The following CDH10 variants were observed in gnomAD, a reference collection of about 807,000 sequenced individuals.
CDH10 encodes cadherin 10, also known as cadherin-10.
Under a neutral mutation model 73.1 loss-of-function variants are expected in CDH10, and 30 were observed. The ratio of observed to expected loss-of-function variants is 0.41; its 90% CI spans 0.31 to 0.56. The LOEUF (loss-of-function observed/expected upper bound fraction) is 0.56, where lower values mean the gene tolerates loss of function less well. CDH10 is among the 20% of genes least tolerant of loss of function. CDH10 has a pLI of 0.27. For synonymous variants in CDH10, 345 were observed against 348.2 expected, an observed-to-expected ratio of 0.99 and a Z score of 0.10; for missense variants, 815 against 973.7, an observed-to-expected ratio of 0.84 and a Z score of 2.17.
chr5:24,638,960 C>T (rs1014106740), intron 1 of CDH10, among the ~76,000 whole-genome samples: 9 of 151,384 alleles, frequency 5.9e-5, no homozygotes, highest in East Asian at 1.9e-4. Flanking sequence ...TAGATTTAAA[C>T]CACTTGAGTT....
chr5:24,619,551 C>T (rs1175960286), intron 1 of CDH10, among the ~76,000 whole-genome samples: 1 of 152,028 alleles, frequency 6.6e-6, no homozygotes, highest in Non-Finnish European at 1.5e-5. Flanking sequence ...GATGCTGGAA[C>T]GAGTTAAGAT....
rs13359793 is a variant in CDH10, at chr5:24,560,890, T to C, written c.232-23216A>G. On this transcript the variant is annotated intron_variant, in intron 2 of 11. Coordinates refer to ENST00000264463, the MANE Select transcript of CDH10 (RefSeq NM_006727.5). ...TTTACTAATATGCCTTTTTTTACTATAGTGAAATAATCCAAATTTCCTGAT... is the reference window on the plus strand; with the variant it reads ...TTTACTAATATGCCTTTTTTTACTACAGTGAAATAATCCAAATTTCCTGAT... 9.1e-3 allele frequency among the ~76,000 whole-genome samples: 1,380 copies of C among 152,254 alleles called. 27 individuals are homozygous for C. Among genetic ancestry groups the C allele is most frequent in the African/African-American group, 0.031 (1,268 of 41,572 alleles).
intron 1 of CDH10, among the ~76,000 whole-genome samples, chr5:24,620,478 T>C (rs1164244687): frequency 2.6e-5 from 4 of 152,154 alleles, no homozygotes; most frequent in African/African-American, 2.4e-5. Flanking sequence ...TAAAATGTGA[T>C]TGCATCCTTT....
chr5:24,626,179 A>G (rs1017053071), intron 1 of CDH10, among the ~76,000 whole-genome samples: 1 of 152,164 alleles, frequency 6.6e-6, no homozygotes, highest in Admixed American at 6.6e-5. Flanking sequence ...TTGGTTCCCA[A>G]AACAATGTGG....
intron 5 of CDH10, 58 bp downstream of exon 5, chr5:24,535,054 C>T (rs2111875120): frequency 3.6e-6 from 5 of 1,383,182 alleles, no homozygotes; most frequent in Non-Finnish European, 4.9e-6. Flanking sequence ...CTTTCTTTGT[C>T]TGTCTTTTTT....
chr5:24,618,493 C>G (rs911021949), intron 1 of CDH10, among the ~76,000 whole-genome samples: 3 of 152,124 alleles, frequency 2.0e-5, no homozygotes, highest in Non-Finnish European at 4.4e-5. Context: ...AAGCATGAAG[C>G]CTTTTTCTTT....
intron 1 of CDH10, among the ~76,000 whole-genome samples, chr5:24,623,537 T>C (rs1255545147): frequency 2.0e-5 from 3 of 152,080 alleles, no homozygotes; most frequent in African/African-American, 7.2e-5. Flanking sequence ...CTCAAACATA[T>C]GTAATTGGAA....
chr5:24,638,483 T>C (rs900125354), intron 1 of CDH10, among the ~76,000 whole-genome samples: 1 of 151,800 alleles, frequency 6.6e-6, no homozygotes, highest in African/African-American at 2.4e-5. Flanking sequence ...TCTAAGTATA[T>C]GTCTGTGCTT....
At chr5:24,569,311 G>A (rs1745280451) in intron 2 of CDH10, among the ~76,000 whole-genome samples, 1 of 152,106 alleles carries the variant, frequency 6.6e-6, no homozygotes, top group Non-Finnish European at 1.5e-5. Flanking sequence ...ATTCTAGATA[G>A]TAATGATGTT....
intron 2 of CDH10, among the ~76,000 whole-genome samples, chr5:24,557,030 G>A (rs1213987483): frequency 6.6e-6 from 1 of 151,510 alleles, no homozygotes; most frequent in African/African-American, 2.4e-5. Flanking sequence ...TTTTCAACTT[G>A]CCTAGACAAA....
In CDH10 at chr5:24,511,331, T is replaced by C. The variant is rs770163052; in HGVS notation, c.998A>G (p.Lys333Arg). The change falls in exon 6 of 12, where the codon AAA (lysine) becomes AGA (arginine). Residue 333 changes from lysine to arginine, a missense_variant. By Grantham distance (26) the Lys-to-Arg change is conservative (BLOSUM62 2). This residue lies in a region of CDH10 where 516 missense variants were observed against 636.6 expected (regional missense o/e 0.81). Transcript: ENST00000264463. The part of the protein sequence containing the change: ...KDTQEGIITV[K>R]KPLDYESRRL... ...ATTTATATGGATGCTGTGCACCTTT[T>C]TCACAGTGATGATGCCTTCCTGTGT... 6.2e-7 allele frequency: 1 copy of C among 1,601,756 alleles called. No individual in the cohort carries two copies. The highest frequency in any genetic ancestry group is 8.6e-7 in the Non-Finnish European group (1 of 1,169,476).
chr5:24,540,906 T>C (rs1193415938), intron 2 of CDH10, among the ~76,000 whole-genome samples: 1 of 151,918 alleles, frequency 6.6e-6, no homozygotes, highest in African/African-American at 2.4e-5. Context: ...ATATTCACTG[T>C]AATAATGAGA....
intron 5 of CDH10, among the ~76,000 whole-genome samples, chr5:24,519,863 A>C (rs1743248078): frequency 6.6e-6 from 1 of 152,182 alleles, no homozygotes; most frequent in Non-Finnish European, 1.5e-5. Context: ...AAAGTTCTGG[A>C]GGATACAAGT....
intron 5 of CDH10, among the ~76,000 whole-genome samples, chr5:24,532,434 T>C (rs1743785407): frequency 6.6e-6 from 1 of 151,934 alleles, no homozygotes; most frequent in South Asian, 2.1e-4. Context: ...AAATAGATGG[T>C]CAGTTTAACT....
intron 2 of CDH10, among the ~76,000 whole-genome samples, chr5:24,550,437 A>T (rs1185850605): frequency 6.6e-6 from 1 of 152,194 alleles, no homozygotes; most frequent in Non-Finnish European, 1.5e-5. Flanking sequence ...TACATAGAAT[A>T]AGAAAACAAA....
chr5:24,523,205 A>T (rs1743403818), intron 5 of CDH10, among the ~76,000 whole-genome samples: 2 of 152,150 alleles, frequency 1.3e-5, no homozygotes, highest in Admixed American at 1.3e-4. Flanking sequence ...ATGTATAAAC[A>T]TATCTCAACA....
intron 1 of CDH10, among the ~76,000 whole-genome samples, chr5:24,635,005 GAAAAAA>G (rs34611268): frequency 3.4e-4 from 49 of 145,270 alleles, no homozygotes; most frequent in African/African-American, 1.0e-3. Flanking sequence ...GCCAAAAAAG[GAAAAAA>G]AAAAAACAGA....
At chr5:24,632,403 T>G (rs539081466) in intron 1 of CDH10, among the ~76,000 whole-genome samples, 4 of 152,164 alleles carry the variant, frequency 2.6e-5, no homozygotes, top group Admixed American at 6.6e-5. Context: ...TCATTTGAAA[T>G]AATACCTAGT....
chr5:24,564,434 A>G (rs145707235), intron 2 of CDH10, among the ~76,000 whole-genome samples: 27 of 152,240 alleles, frequency 1.8e-4, no homozygotes, highest in African/African-American at 6.3e-4. Context: ...TAATCTTTAC[A>G]AAGGAATCAC....
Sources: gnomAD v4.1 joint callset for allele counts (sites outside exome capture counted in the v4.1 genomes callset) on GRCh38, gnomAD v4.1.1 for gene constraint, gnomAD v4.1.1 regional missense constraint, MANE v1.5 for transcripts, NCBI Gene and HGNC (gene_info 2026-07-23, HGNC 2026-07-21) for gene names.